Variants in DPP6 observed in about 807,000 individuals in gnomAD.
DPP6 encodes dipeptidyl peptidase like 6, also known as A-type potassium channel modulatory protein DPP6.
DPP6 carries 69 observed loss-of-function variants against 122.6 expected under a neutral mutation model. The ratio of observed to expected loss-of-function variants is 0.56; its 90% CI spans 0.46 to 0.69. The LOEUF is 0.69. Among genes scored for constraint, DPP6 ranks in the 30% least tolerant of loss-of-function variants. The pLI is 0.00. For synonymous variants in DPP6, 418 were observed against 433.1 expected (o/e 0.97, Z 0.43); for missense variants, 928 against 1,116.9 (o/e 0.83, Z 2.41).
At chr7:154,592,088 G>A (rs1184026045) in intron 5 of DPP6, among the ~76,000 whole-genome samples, 6 of 152,154 alleles carry the variant, frequency 3.9e-5, no homozygotes, top group Admixed American at 3.9e-4. Context: ...CCCAGCTCCA[G>A]TGGCCCCTCA....
chr7:153,770,736 A>G, the DPP6 span, among the ~76,000 whole-genome samples: 2 of 152,224 alleles, frequency 1.3e-5, no homozygotes, highest in Admixed American at 6.5e-5. Flanking sequence ...ATGAATGGAA[A>G]AGGTGAACAG....
At chr7:154,793,302 T>C (rs888232054) in intron 10 of DPP6, among the ~76,000 whole-genome samples, 4 of 152,218 alleles carry the variant, frequency 2.6e-5, no homozygotes, top group African/African-American at 9.6e-5. Flanking sequence ...GGCATTAATT[T>C]TCTCAACACT....
intron 8 of DPP6, among the ~76,000 whole-genome samples, chr7:154,728,281 G>A (rs1007908983): frequency 5.3e-5 from 8 of 152,188 alleles, no homozygotes; most frequent in Admixed American, 3.3e-4. Flanking sequence ...TAAGTGCCTC[G>A]TTTTGCCTTG....
intron 1 of DPP6, among the ~76,000 whole-genome samples, chr7:154,414,221 A>T (rs192302467): frequency 2.8e-4 from 42 of 152,310 alleles, no homozygotes; most frequent in Admixed American, 1.9e-3. Flanking sequence ...TACTACTCCG[A>T]CCAACAAAAT....
At chr7:154,211,747 C>G (rs1799754269) in intron 1 of DPP6, among the ~76,000 whole-genome samples, 1 of 152,112 alleles carries the variant, frequency 6.6e-6, no homozygotes, top group Non-Finnish European at 1.5e-5. Flanking sequence ...CTGCAGTCAC[C>G]AAGTTGCCAT....
intron 5 of DPP6, among the ~76,000 whole-genome samples, chr7:154,616,454 A>G (rs997545888): frequency 6.6e-6 from 1 of 152,120 alleles, no homozygotes; most frequent in Non-Finnish European, 1.5e-5. Flanking sequence ...TTTTGAGTTG[A>G]AAGAGGGTAG....
intron 1 of DPP6, among the ~76,000 whole-genome samples, chr7:154,005,006 A>G (rs1797853055): frequency 6.6e-6 from 1 of 152,022 alleles, no homozygotes; most frequent in Non-Finnish European, 1.5e-5. Flanking sequence ...TTTTCTGTGC[A>G]TTCCTGGTTT....
In DPP6 at chr7:154,129,621, C is replaced by T. The variant is rs11535219; in HGVS notation, c.243+76558C>T. On this transcript the variant is annotated intron_variant, in intron 1 of 25. Coordinates refer to ENST00000377770, the MANE Select transcript of DPP6 (RefSeq NM_130797.4). ...CTACTAAAAATAAAAAATTAGCGGC[C>T]GGGCACAGTGGCTTACGCCTGTAAT... is the stretch of plus-strand genomic sequence containing the variant. Among the ~76,000 whole-genome samples, 758 of 152,300 alleles carry T rather than the reference C, an allele frequency of 5.0e-3. 6 individuals carry two copies. The highest frequency in any genetic ancestry group is 0.017 in the African/African-American group (722 of 41,558).
chr7:153,842,324 T>A, the DPP6 span, among the ~76,000 whole-genome samples: 1 of 152,192 alleles, frequency 6.6e-6, no homozygotes, highest in South Asian at 2.1e-4. Context: ...TCTTTGTAAT[T>A]TACCATTCTT....
the DPP6 span, among the ~76,000 whole-genome samples, chr7:153,788,870 C>T: frequency 6.6e-6 from 1 of 151,356 alleles, no homozygotes; most frequent in East Asian, 1.9e-4. Flanking sequence ...GAGGCTGAGG[C>T]AGGAGAATTG....
At chr7:154,205,781 A>T (rs73731404) in intron 1 of DPP6, among the ~76,000 whole-genome samples, 7,665 of 46,086 alleles carry the variant, frequency 0.17, 311 homozygotes, top group African/African-American at 0.22. Flanking sequence ...AAAAAAAAAA[A>T]AAATTAATTA....
chr7:154,052,050 C>T (rs1800369972), upstream of DPP6, among the ~76,000 whole-genome samples: 1 of 151,144 alleles, frequency 6.6e-6, no homozygotes, highest in African/African-American at 2.4e-5. The surrounding 1 kb of genome is among the most constrained non-coding windows in gnomAD (Gnocchi z 4.8). Context: ...CCTTCAGTCG[C>T]CCCCTGGCCG....
At position 154,457,140 on chromosome 7, in the gene DPP6, ATTTTG is replaced by A. The variant is rs1374171982; in HGVS notation, c.358+10814_358+10818del. ...AGTTTTTAGCATGAAGGGTTGTTGA[ATTTTG>A]TCAAAAGTGGGCGAAGGACATGAAC... is the stretch of plus-strand genomic sequence containing the variant. On this transcript the variant is annotated intron_variant, in intron 2 of 25. Transcript: ENST00000377770. Among the ~76,000 whole-genome samples the A allele has an allele frequency of 5.7e-4, 43 of 75,938 alleles. 3 individuals carry two copies. Among genetic ancestry groups the A allele is most frequent in the African/African-American group, 1.7e-3 (40 of 23,316 alleles). 49.8% of individuals were successfully genotyped at this position (75,938 alleles called of 152,430 possible). A position where few individuals can be genotyped will look rare whatever the true frequency, so the allele number is the denominator to read the frequency against.
intron 3 of DPP6, among the ~76,000 whole-genome samples, chr7:154,506,484 T>C (rs1825675369): frequency 6.6e-6 from 1 of 152,194 alleles, no homozygotes; most frequent in South Asian, 2.1e-4. Flanking sequence ...AGAATCACAT[T>C]GGCATATTTA....
rs1244142535 is a variant in DPP6, at chr7:154,260,679, T to TA, written c.244-185534dup. 3.4e-5 allele frequency among the ~76,000 whole-genome samples: 5 copies of TA among 147,694 alleles called. No homozygotes were observed. The East Asian group carries it at 9.8e-4, about 29-fold the overall frequency. On this transcript the variant is annotated intron_variant, in intron 1 of 25. Coordinates refer to ENST00000377770, the MANE Select transcript of DPP6 (RefSeq NM_130797.4). Reference sequence around the variant, plus strand: ...AGTATTCCTTCGTATATATATATAATACATATATATGTATAATATATATTA... The same window carrying TA: ...AGTATTCCTTCGTATATATATATAATAACATATATATGTATAATATATATTA...
chr7:154,847,905 A>T (rs546256519), intron 16 of DPP6, among the ~76,000 whole-genome samples: 1 of 152,308 alleles, frequency 6.6e-6, no homozygotes, highest in African/African-American at 2.4e-5. Flanking sequence ...TTCCACATAT[A>T]AGTGAGATCA....
At chr7:154,817,831 GGGTGATGTCATGA>G in intron 16 of DPP6, among the ~76,000 whole-genome samples, 1 of 27,140 alleles carries the variant, frequency 3.7e-5, no homozygotes, top group Non-Finnish European at 2.6e-4. Context: ...AGTGATTGAT[GGGTGATGTCATGA>G]ATGTCCTGAG....
rs553416755 is a variant in DPP6 at position 154,883,747 on chromosome 7, G to A, written c.2134-1886G>A. 7.7e-5 allele frequency: 10 copies of A among 130,164 alleles called. 1 individual carries two copies. Among genetic ancestry groups the A allele is most frequent in the African/African-American group, 2.7e-4 (9 of 33,122 alleles). The allele number at this position is 130,164 out of a possible 1,614,324, so 8.1% of individuals were successfully genotyped here. A position where few individuals can be genotyped will look rare whatever the true frequency, so the allele number is the denominator to read the frequency against. ...CTCACACATACATGCTCACAAACACGACTACATACACCTACTCACACACAC... is the reference window on the plus strand; with the variant it reads ...CTCACACATACATGCTCACAAACACAACTACATACACCTACTCACACACAC... On this transcript the variant is annotated intron_variant, in intron 21 of 25. Coordinates refer to ENST00000377770, the MANE Select transcript of DPP6 (RefSeq NM_130797.4).
chr7:154,487,600 G>C (rs1563748609), intron 3 of DPP6, among the ~76,000 whole-genome samples: 1 of 152,178 alleles, frequency 6.6e-6, no homozygotes, highest in Admixed American at 6.5e-5. Flanking sequence ...ATGCACTGTA[G>C]CTGTTTGGCC....
Sources: gnomAD v4.1 joint callset for allele counts (sites outside exome capture counted in the v4.1 genomes callset) on GRCh38, gnomAD v4.1.1 for gene constraint, Gnocchi (gnomAD v3.1) non-coding constraint, MANE v1.5 for transcripts, NCBI Gene and HGNC (gene_info 2026-07-23, HGNC 2026-07-21) for gene names.